Variants in CDH13 observed in about 807,000 individuals in gnomAD.
CDH13 encodes cadherin-13.
In CDH13, 24 loss-of-function variants were observed where a neutral mutation model predicts 63.8. The ratio of observed to expected loss-of-function variants is 0.38; its 90% CI spans 0.27 to 0.53. The LOEUF (loss-of-function observed/expected upper bound fraction) is 0.53, where lower values mean the gene tolerates loss of function less well. Ranked by LOEUF, CDH13 falls within the 20% of genes least tolerant of loss-of-function variation. CDH13 has a pLI of 0.85. For synonymous variants in CDH13, 503 were observed against 355.3 expected, an observed-to-expected ratio of 1.42 and a Z score of -4.67; for missense variants, 1,049 against 903.1, an observed-to-expected ratio of 1.16 and a Z score of -2.07.
intron 10 of CDH13, among the ~76,000 whole-genome samples, chr16:83,705,291 G>A (rs1238677208): frequency 6.6e-6 from 1 of 152,134 alleles, no homozygotes; most frequent in Admixed American, 6.6e-5. Flanking sequence ...AAACAAAGTA[G>A]ACAACCAAGC....
intron 2 of CDH13, among the ~76,000 whole-genome samples, chr16:82,889,204 G>GT (rs1190662511): frequency 4.6e-5 from 7 of 151,984 alleles, no homozygotes; most frequent in African/African-American, 1.7e-4. Flanking sequence ...AAATGTCACT[G>GT]TTTTTTCAGT....
chr16:83,118,037 C>T lies in CDH13; in HGVS notation c.367-7348C>T, dbSNP rs74030719. Reference sequence around the variant, plus strand: ...TCCTCCTCTAATAGAATCCAGCATGCGTGAGGCTCCCTGAAGACACAACAC... The same window carrying T: ...TCCTCCTCTAATAGAATCCAGCATGTGTGAGGCTCCCTGAAGACACAACAC... On this transcript the variant is annotated intron_variant, in intron 3 of 13. Transcript: ENST00000567109. Among the ~76,000 whole-genome samples the T allele has an allele frequency of 2.8e-3, 421 of 152,218 alleles. 3 individuals carry two copies. Among genetic ancestry groups the T allele is most frequent in the African/African-American group, 9.6e-3 (397 of 41,512 alleles).
At position 83,754,127 on chromosome 16, in the gene CDH13, G is replaced by T. The variant is rs139783693; in HGVS notation, c.1681+5877G>T. Among the ~76,000 whole-genome samples the T allele has an allele frequency of 1.6e-3, 247 of 152,214 alleles. 1 individual carries two copies. Among genetic ancestry groups the T allele is most frequent in the African/African-American group, 5.8e-3 (242 of 41,520 alleles). On this transcript the variant is annotated intron_variant, in intron 11 of 13. Transcript: ENST00000567109. ...TCCTCTGTGGACAAATGCCCTAAAG[G>T]ACAGAGTGAAATCTCCTTGGGTCTC... is the stretch of plus-strand genomic sequence containing the variant.
At chr16:82,905,053 C>A (rs899636062) in intron 2 of CDH13, among the ~76,000 whole-genome samples, 2 of 152,300 alleles carry the variant, frequency 1.3e-5, no homozygotes, top group Non-Finnish European at 1.5e-5. Flanking sequence ...TCCCTAGAAG[C>A]ATCTCGCTGA....
At chr16:82,845,721 A>C (rs1326190335) in intron 1 of CDH13, among the ~76,000 whole-genome samples, 1 of 152,170 alleles carries the variant, frequency 6.6e-6, no homozygotes, top group Non-Finnish European at 1.5e-5. Flanking sequence ...TGTTTGACTT[A>C]AGGGAAACAG....
chr16:82,715,681 C>G (rs1005628161), intron 1 of CDH13, among the ~76,000 whole-genome samples: 1 of 152,082 alleles, frequency 6.6e-6, no homozygotes, highest in Non-Finnish European at 1.5e-5. Flanking sequence ...TGGGAAATAG[C>G]AGAGACCACA....
At chr16:83,323,561 A>T (rs1419588747) in intron 5 of CDH13, among the ~76,000 whole-genome samples, 2 of 152,098 alleles carry the variant, frequency 1.3e-5, no homozygotes, top group African/African-American at 4.8e-5. Flanking sequence ...GATTACAGGC[A>T]TGAGCTACCG....
chr16:83,001,175 A>C (rs1435669405), intron 2 of CDH13, among the ~76,000 whole-genome samples: 1 of 152,234 alleles, frequency 6.6e-6, no homozygotes, highest in Non-Finnish European at 1.5e-5. Context: ...TATTCCAAAA[A>C]ACCCCTGTGG....
At chr16:82,735,318 A>G (rs534374481) in intron 1 of CDH13, among the ~76,000 whole-genome samples, 1 of 152,218 alleles carries the variant, frequency 6.6e-6, no homozygotes, top group Admixed American at 6.5e-5. Flanking sequence ...TGCTTCAGTG[A>G]CAGGAATAGA....
chr16:83,261,112 G>C (rs1175864499), intron 5 of CDH13, among the ~76,000 whole-genome samples: 1 of 152,138 alleles, frequency 6.6e-6, no homozygotes, highest in Non-Finnish European at 1.5e-5. Flanking sequence ...AAGGAGAACA[G>C]GGCATCTTGA....
At chr16:83,143,058 C>T (rs533119680) in intron 4 of CDH13, among the ~76,000 whole-genome samples, 6 of 152,242 alleles carry the variant, frequency 3.9e-5, no homozygotes, top group African/African-American at 1.4e-4. Flanking sequence ...AAGCCAAGAT[C>T]GTGCCGTTGC....
At chr16:83,578,205 C>G (rs1438103053) in intron 7 of CDH13, among the ~76,000 whole-genome samples, 1 of 152,174 alleles carries the variant, frequency 6.6e-6, no homozygotes, top group African/African-American at 2.4e-5. Flanking sequence ...ATATCGCTGG[C>G]TAGCCATTCC....
intron 1 of CDH13, chr16:82,824,816 A>C (rs2038166477): frequency 6.6e-6 from 1 of 152,256 alleles, no homozygotes; most frequent in African/African-American, 2.4e-5. Context: ...TTAAAAATAG[A>C]CTGCAAAAAA....
intron 5 of CDH13, among the ~76,000 whole-genome samples, chr16:83,236,313 T>G (rs1003165845): frequency 1.3e-5 from 2 of 151,570 alleles, no homozygotes; most frequent in Admixed American, 1.3e-4. Context: ...CAAACTACAA[T>G]TGCTTCCTTA....
At chr16:82,660,761 T>C (rs775146450) in intron 1 of CDH13, among the ~76,000 whole-genome samples, 1 of 152,204 alleles carries the variant, frequency 6.6e-6, no homozygotes, top group Non-Finnish European at 1.5e-5. Context: ...TGTAGGGCTT[T>C]CAGCATGGCG....
chr16:83,243,185 C>T (rs545478990), intron 5 of CDH13, among the ~76,000 whole-genome samples: 1 of 152,094 alleles, frequency 6.6e-6, no homozygotes, highest in Admixed American at 6.5e-5. Flanking sequence ...GCTTCAGGAG[C>T]TTCTCTCATC....
chr16:82,990,607 C>T (rs1043100929), intron 2 of CDH13, among the ~76,000 whole-genome samples: 13 of 149,376 alleles, frequency 8.7e-5, no homozygotes, highest in African/African-American at 1.7e-4. Context: ...AGTGCAGTGG[C>T]ACAATCACGG....
At chr16:82,910,622 C>T (rs55928296) in intron 2 of CDH13, among the ~76,000 whole-genome samples, 6,149 of 152,252 alleles carry the variant, frequency 0.04, 390 homozygotes, top group African/African-American at 0.14. Flanking sequence ...TCGTTCTGTC[C>T]TATAAGAAGG....
At chr16:83,568,720 C>A (rs1159700983) in intron 7 of CDH13, among the ~76,000 whole-genome samples, 2 of 152,188 alleles carry the variant, frequency 1.3e-5, no homozygotes. Flanking sequence ...ACGTCTGTAA[C>A]AGTGTCTTTT....
Sources: gnomAD v4.1 joint callset for allele counts (sites outside exome capture counted in the v4.1 genomes callset) on GRCh38, gnomAD v4.1.1 for gene constraint, MANE v1.5 for transcripts, NCBI Gene and HGNC (gene_info 2026-07-23, HGNC 2026-07-21) for gene names.